The following B4GALNT3 variants were observed in gnomAD, a reference collection of about 807,000 sequenced individuals.
B4GALNT3 encodes the protein beta-1,4-N-acetylgalactosaminyltransferase 3.
In B4GALNT3, 86 loss-of-function variants were observed where a neutral mutation model predicts 120.2. That is an observed-to-expected ratio of 0.72 (90% CI 0.60 to 0.86). The LOEUF is 0.86. Ranked by LOEUF, B4GALNT3 falls within the 40% of genes least tolerant of loss-of-function variation. The pLI is 0.00. For missense variants in B4GALNT3, 1,167 were observed against 1,298.9 expected (o/e 0.90, Z 1.56); for synonymous variants, 518 against 510.4 (o/e 1.01, Z -0.20).
At chr12:511,431 T>TC (rs1349659096) in intron 1 of B4GALNT3, among the ~76,000 whole-genome samples, 15 of 48,512 alleles carry the variant, frequency 3.1e-4, no homozygotes, top group African/African-American at 1.2e-3. Flanking sequence ...CCTTCCACCT[T>TC]CTTCCACCTT....
At chr12:530,908 G>A (rs61916652) in intron 1 of B4GALNT3, among the ~76,000 whole-genome samples, 13 of 152,264 alleles carry the variant, frequency 8.5e-5, no homozygotes, top group South Asian at 2.1e-4. Context: ...TGAGGCCCAC[G>A]GTGGTGCTTT....
chr12:553,248 C>T lies in B4GALNT3; in HGVS notation c.1325C>T (p.Thr442Ile), dbSNP rs755783735. 6.2e-6 allele frequency: 10 copies of T among 1,613,544 alleles called. No individual in the cohort carries two copies. Among genetic ancestry groups the T allele is most frequent in the Non-Finnish European group, 8.5e-6 (10 of 1,180,028 alleles). Residue 442 changes from threonine (T) to isoleucine (I), a missense_variant, in exon 14 of 20, where the codon ACC becomes ATC. Thr to Ile is a moderately conservative substitution (Grantham distance 89, BLOSUM62 -1). Coordinates refer to ENST00000266383, the MANE Select transcript of B4GALNT3 (RefSeq NM_173593.4). ...ESQYGEVAEE[T>I]PASNNQNARM... is the part of the protein sequence containing the mutation. ...CAGTATGGGGAAGTGGCAGAGGAGA[C>T]CCCTGCCTCCAACAACCAGAATGCC...
At chr12:516,095 G>A (rs1354582311) in intron 1 of B4GALNT3, among the ~76,000 whole-genome samples, 2 of 150,200 alleles carry the variant, frequency 1.3e-5, no homozygotes, top group African/African-American at 2.5e-5. Flanking sequence ...GCAGTGAGCC[G>A]AGATAGTGCC....
chr12:558,290 T>C (rs540903803), intron 17 of B4GALNT3, among the ~76,000 whole-genome samples: 1 of 152,302 alleles, frequency 6.6e-6, no homozygotes, highest in African/African-American at 2.4e-5. Flanking sequence ...TCCAGGGTCC[T>C]TGGAGCCTAT....
At chr12:542,978 C>A in intron 3 of B4GALNT3, 1 of 522,794 alleles carries the variant, frequency 1.9e-6, no homozygotes, top group Non-Finnish European at 3.1e-6. Flanking sequence ...TCCTCAGGAT[C>A]AGGGATGGGG....
intron 1 of B4GALNT3, among the ~76,000 whole-genome samples, chr12:509,952 C>T (rs574228199): frequency 6.6e-6 from 1 of 152,354 alleles, no homozygotes; most frequent in African/African-American, 2.4e-5. Context: ...CCACTCGCCC[C>T]TACGAGACCT....
At position 535,282 on chromosome 12, in the gene B4GALNT3, C is replaced by A; in HGVS notation, c.273+13C>A. The A allele has an allele frequency of 6.2e-7, 1 of 1,610,182 alleles. No individual in the cohort carries two copies. Among genetic ancestry groups the A allele is most frequent in the Non-Finnish European group, 8.5e-7 (1 of 1,176,750 alleles). ...GCTGAGCCTCGAGGTAGGTGACCAG[C>A]CAGTCCATTGTCCCTGCTGATGCCT... is the stretch of plus-strand genomic sequence containing the variant. On this transcript the variant is annotated intron_variant, in intron 2 of 19. Transcript: ENST00000266383.
In B4GALNT3 at chr12:523,010, C is replaced by T. The variant is rs1039466606; in HGVS notation, c.170-12156C>T. ...TGTTATAGGTATTTTACTAAATACACACTCCCCCTAAAAATTAAATTTAAA... is the reference window on the plus strand; with the variant it reads ...TGTTATAGGTATTTTACTAAATACATACTCCCCCTAAAAATTAAATTTAAA... On this transcript the variant is annotated intron_variant, in intron 1 of 19. Transcript: ENST00000266383. Among the ~76,000 whole-genome samples the T allele has an allele frequency of 6.1e-5, 9 of 146,690 alleles. No homozygotes were observed. The East Asian group carries it at 1.6e-3, about 26-fold the overall frequency.
At chr12:536,386 G>A in intron 3 of B4GALNT3, 91 bp downstream of exon 3, 1 of 1,065,092 alleles carries the variant, frequency 9.4e-7, no homozygotes, top group South Asian at 1.3e-5. Flanking sequence ...CTTTCTACTA[G>A]GGACCTTCTA....
In B4GALNT3 at chr12:512,256, CCTTCTTCCACCTT is replaced by C. The variant is rs1565598589; in HGVS notation, c.170-22905_170-22893del. ...ACCTTCCACCTTCCACCTTCTTCCA[CCTTCTTCCACCTT>C]CTTCCACCTTCCACCTTCCACCTTC... On this transcript the variant is annotated intron_variant, in intron 1 of 19. Coordinates refer to ENST00000266383, the MANE Select transcript of B4GALNT3 (RefSeq NM_173593.4). Among the ~76,000 whole-genome samples the C allele has an allele frequency of 8.5e-4, 72 of 85,004 alleles. 1 individual carries two copies. Among genetic ancestry groups the C allele is most frequent in the East Asian group, 2.4e-3 (5 of 2,050 alleles). 55.8% of individuals were successfully genotyped at this position (85,004 alleles called of 152,430 possible).
rs185840080 is a variant in B4GALNT3, at chr12:542,057, C to A, written c.352-2282C>A. 3.1e-3 allele frequency among the ~76,000 whole-genome samples: 466 copies of A among 152,214 alleles called. 5 individuals are homozygous for A. The highest frequency in any genetic ancestry group is 6.8e-3 in the Middle Eastern group (2 of 294). ...AGCACAATGTCCCCATTCTTTCCTT[C>A]CTTGAAGCCTTAACCCGCCACCCAC... On this transcript the variant is annotated intron_variant, in intron 3 of 19. Transcript: ENST00000266383.
At chr12:545,571 C>A in intron 6 of B4GALNT3, 102 bp downstream of exon 6, 1 of 1,196,134 alleles carries the variant, frequency 8.4e-7, no homozygotes, top group Non-Finnish European at 1.2e-6. Flanking sequence ...GGTGTGACAG[C>A]GGGGAAGAAG....
intron 1 of B4GALNT3, among the ~76,000 whole-genome samples, chr12:469,697 G>C (rs1946116805): frequency 6.6e-6 from 1 of 152,178 alleles, no homozygotes; most frequent in Non-Finnish European, 1.5e-5. Flanking sequence ...CCAGGACACA[G>C]AAGCACAGCA....
rs767860342 is a variant in B4GALNT3 at position 559,355 on chromosome 12, T to C, written c.2822T>C (p.Ile941Thr). The C allele has an allele frequency of 9.3e-6, 15 of 1,613,580 alleles. No individual in the cohort carries two copies. The highest frequency in any genetic ancestry group is 1.3e-5 in the African/African-American group (1 of 74,814). The change falls in exon 19 of 20, where the codon ATT becomes ACT. Residue 941 changes from isoleucine (I) to threonine (T), a missense_variant. By Grantham distance (89) the Ile-to-Thr change is moderately conservative. This residue lies in a region of B4GALNT3 where 983 missense variants were observed against 1,102.5 expected (regional missense o/e 0.89). Transcript: ENST00000266383. ...ATCTACAAGTCTGACCTGGACAGGA[T>C]TGGGGGCATGAACACCAAGGAGTTC... ...LGIYKSDLDR[I>T]GGMNTKEFRD...
At position 511,402 on chromosome 12, in the gene B4GALNT3, A is replaced by G. The variant is rs559536765; in HGVS notation, c.170-23764A>G. Among the ~76,000 whole-genome samples the G allele has an allele frequency of 2.5e-3, 185 of 73,100 alleles. 12 individuals are homozygous for G. Among genetic ancestry groups the G allele is most frequent in the African/African-American group, 9.0e-3 (169 of 18,792 alleles). 48.0% of individuals were successfully genotyped at this position (73,100 alleles called of 152,430 possible). A position where few individuals can be genotyped will look rare whatever the true frequency, so the allele number is the denominator to read the frequency against. Reference sequence around the variant, plus strand: ...TTCCGCCTTCCACCTTCTGTCTTCCACCTTCCTTCCACCTTCCACCTTCCA... The same window carrying G: ...TTCCGCCTTCCACCTTCTGTCTTCCGCCTTCCTTCCACCTTCCACCTTCCA... On this transcript the variant is annotated intron_variant, in intron 1 of 19. Coordinates refer to ENST00000266383, the MANE Select transcript of B4GALNT3 (RefSeq NM_173593.4).
intron 14 of B4GALNT3, chr12:555,536 C>G (rs746620858): frequency 2.8e-6 from 1 of 357,188 alleles, no homozygotes; most frequent in African/African-American, 2.1e-5. Context: ...AAATAAAATG[C>G]TGCAATGAAC....
intron 6 of B4GALNT3, 72 bp from the exon 7 acceptor site, chr12:546,574 C>T (rs1044786602): frequency 2.2e-6 from 3 of 1,367,648 alleles, no homozygotes; most frequent in African/African-American, 2.9e-5. Flanking sequence ...CCTTCCTGGT[C>T]TCGCACTCAC....
At chr12:503,282 T>C (rs1946461293) in intron 1 of B4GALNT3, among the ~76,000 whole-genome samples, 1 of 152,108 alleles carries the variant, frequency 6.6e-6, no homozygotes, top group Non-Finnish European at 1.5e-5. Context: ...CCGACACACC[T>C]ATCCGCTCAG....
chr12:552,164 G>T lies in B4GALNT3; in HGVS notation c.1208+1G>T. 18 of 1,599,470 alleles carry T rather than the reference G, an allele frequency of 1.1e-5. No homozygotes were observed. The highest frequency in any genetic ancestry group is 1.5e-5 in the Non-Finnish European group (18 of 1,166,728). ...AGGAAAACGCCTACTACCAAGACCGGTGAGAGACACTGAGTGGGGCAGGAA... is the reference window on the plus strand; with the variant it reads ...AGGAAAACGCCTACTACCAAGACCGTTGAGAGACACTGAGTGGGGCAGGAA... On this transcript the variant is annotated splice_donor_variant, in intron 12 of 19. Transcript: ENST00000266383. LOFTEE classifies it high-confidence loss of function.
Sources: gnomAD v4.1 joint callset for allele counts (sites outside exome capture counted in the v4.1 genomes callset) on GRCh38, gnomAD v4.1.1 for gene constraint, gnomAD v4.1.1 regional missense constraint, MANE v1.5 for transcripts, NCBI Gene and HGNC (gene_info 2026-07-23, HGNC 2026-07-21) for gene names.